OSBP2: variants seen among roughly 807,000 people sequenced by gnomAD.
OSBP2 encodes oxysterol binding protein 2.
Under a neutral mutation model 96.0 loss-of-function variants are expected in OSBP2, and 66 were observed. That is an observed-to-expected ratio of 0.69 (90% confidence interval 0.56 to 0.84). The LOEUF (loss-of-function observed/expected upper bound fraction) is 0.84, where lower values mean the gene tolerates loss of function less well. OSBP2 is among the 40% of genes least tolerant of loss of function. The pLI is 0.00. For missense variants in OSBP2, 1,038 were observed against 1,222.7 expected (o/e 0.85, Z 2.25); for synonymous variants, 525 against 520.9 (o/e 1.01, Z -0.11).
intron 2 of OSBP2, among the ~76,000 whole-genome samples, chr22:30,857,419 C>A (rs1349607983): frequency 6.6e-6 from 1 of 152,204 alleles, no homozygotes; most frequent in African/African-American, 2.4e-5. Context: ...AAGCTGAGAA[C>A]CCCATTCTCT....
intron 2 of OSBP2, among the ~76,000 whole-genome samples, chr22:30,842,973 G>A (rs892916214): frequency 6.6e-6 from 1 of 151,864 alleles, no homozygotes; most frequent in South Asian, 2.1e-4. Context: ...TAGTAGAGAC[G>A]AGGTTTCACC....
chr22:30,823,043 T>C (rs1344089966), intron 2 of OSBP2, among the ~76,000 whole-genome samples: 1 of 152,244 alleles, frequency 6.6e-6, no homozygotes, highest in Admixed American at 6.5e-5. Context: ...CCCATCTACC[T>C]CTTCTTCCCC....
intron 2 of OSBP2, among the ~76,000 whole-genome samples, chr22:30,849,929 T>A (rs1276971701): frequency 1.3e-5 from 2 of 152,232 alleles, no homozygotes; most frequent in Non-Finnish European, 2.9e-5. Context: ...TTTTGCCATA[T>A]GTATATTTAG....
chr22:30,716,742 T>C lies in OSBP2; in HGVS notation c.644+21189T>C, dbSNP rs370634206. On this transcript the variant is annotated intron_variant, in intron 1 of 13. Coordinates refer to ENST00000332585, the MANE Select transcript of OSBP2 (RefSeq NM_030758.4). ...TGTGAGCCACCATGCCTAGCCCCTT[T>C]GCTCATTTTTTAATCATTTATTTGA... is the stretch of plus-strand genomic sequence containing the variant. 6.3e-4 allele frequency among the ~76,000 whole-genome samples: 96 copies of C among 152,308 alleles called. 2 individuals carry two copies. In the South Asian group the frequency reaches 0.019, roughly 30 times the overall value.
chr22:30,791,016 T>C (rs2090666401), intron 2 of OSBP2, among the ~76,000 whole-genome samples: 1 of 152,104 alleles, frequency 6.6e-6, no homozygotes, highest in Non-Finnish European at 1.5e-5. Flanking sequence ...TTCTCTCTTG[T>C]TTTGTCACCC....
Position 30,765,236 on chromosome 22 carries a change from G to A in OSBP2, c.853+23867G>A, listed in dbSNP as rs1053937758. Among the ~76,000 whole-genome samples, 27 of 151,998 alleles carry A rather than the reference G, an allele frequency of 1.8e-4. 4 individuals are homozygous for A. The highest frequency in any genetic ancestry group is 1.5e-3 in the Admixed American group (23 of 15,238). ...TTTATTTATTTATTTTTGAAATGGAGTCTTGCTCTGTTGCCCAGGCTGGAG... is the reference window on the plus strand; with the variant it reads ...TTTATTTATTTATTTTTGAAATGGAATCTTGCTCTGTTGCCCAGGCTGGAG... On this transcript the variant is annotated intron_variant, in intron 2 of 13. Transcript: ENST00000332585.
At chr22:30,791,034 AGTGCAGTGGTGT>A (rs1488042830) in intron 2 of OSBP2, among the ~76,000 whole-genome samples, 1 of 152,000 alleles carries the variant, frequency 6.6e-6, no homozygotes, top group Non-Finnish European at 1.5e-5. Context: ...CCCAGGCTGG[AGTGCAGTGGTGT>A]GATCTCGGCT....
At chr22:30,730,810 T>TATATATA in intron 1 of OSBP2, among the ~76,000 whole-genome samples, 1 of 54,782 alleles carries the variant, frequency 1.8e-5, no homozygotes, top group African/African-American at 9.1e-5. Context: ...ATATATATAA[T>TATATATA]TTTTTTTTTT....
chr22:30,905,749 G>GGA (rs397703546), intron 12 of OSBP2, 88 bp from the exon 13 acceptor site: 4 of 1,562,068 alleles, frequency 2.6e-6, no homozygotes, highest in African/African-American at 1.3e-5. Flanking sequence ...GACCCGGGAG[G>GGA]AGACACCGCC....
intron 2 of OSBP2, among the ~76,000 whole-genome samples, chr22:30,850,340 T>C (rs905109139): frequency 1.3e-5 from 2 of 151,608 alleles, no homozygotes; most frequent in Non-Finnish European, 2.9e-5. Flanking sequence ...TGATCACATA[T>C]GTGCATGTCT....
Position 30,906,462 on chromosome 22 carries a change from C to T in OSBP2, c.*123C>T, listed in dbSNP as rs2040339909. On this transcript the variant is annotated 3_prime_UTR_variant, in exon 14 of 14. Transcript: ENST00000332585. ...TTCCCAGCCCTTCCTATTTCCTTTCCTATTTTTTTTTTCTCCCCACACTTT... is the reference window on the plus strand; with the variant it reads ...TTCCCAGCCCTTCCTATTTCCTTTCTTATTTTTTTTTTCTCCCCACACTTT... 3.2e-6 allele frequency: 4 copies of T among 1,252,006 alleles called. No homozygotes were observed. The South Asian group carries it at 5.7e-5, about 18-fold the overall frequency. The allele number at this position is 1,252,006 out of a possible 1,614,324, so 77.6% of individuals were successfully genotyped here. A position where few individuals can be genotyped will look rare whatever the true frequency, so the allele number is the denominator to read the frequency against.
rs572271481 is a variant in OSBP2, at chr22:30,784,259, A to ATTTATTTATTTATTT, written c.853+42890_853+42891insTTTATTTATTTATTT. On this transcript the variant is annotated intron_variant, in intron 2 of 13. Transcript: ENST00000332585. The stretch of plus-strand genomic sequence containing the variant: ...AGTGTGATTTATTTATTTATTTATT[A>ATTTATTTATTTATTT]ATTTATTTATTATTTTGAGACAGGG... Among the ~76,000 whole-genome samples the ATTTATTTATTTATTT allele has an allele frequency of 5.4e-3, 805 of 148,874 alleles. 7 individuals are homozygous for ATTTATTTATTTATTT. The highest frequency in any genetic ancestry group is 0.018 in the African/African-American group (712 of 38,664).
chr22:30,875,972 G>GACCCAGGGCC (rs1339200981), intron 3 of OSBP2, among the ~76,000 whole-genome samples: 1 of 152,244 alleles, frequency 6.6e-6, no homozygotes, highest in Non-Finnish European at 1.5e-5. Flanking sequence ...GTTCTAAGAT[G>GACCCAGGGCC]ACCCAGGGCC....
chr22:30,866,722 G>A (rs111742446), intron 2 of OSBP2, among the ~76,000 whole-genome samples: 21 of 150,272 alleles, frequency 1.4e-4, no homozygotes, highest in African/African-American at 2.2e-4. Context: ...GGGCGACAGC[G>A]CGAGACTCTG....
At chr22:30,872,878 C>T (rs2039488190) in intron 3 of OSBP2, among the ~76,000 whole-genome samples, 1 of 152,252 alleles carries the variant, frequency 6.6e-6, no homozygotes, top group South Asian at 2.1e-4. Context: ...TCAGCCCCCA[C>T]TGTGTGCAGA....
At chr22:30,795,065 G>A (rs1430680351) in intron 2 of OSBP2, among the ~76,000 whole-genome samples, 2 of 151,640 alleles carry the variant, frequency 1.3e-5, no homozygotes, top group Non-Finnish European at 2.9e-5. Context: ...ACACACCACT[G>A]CACCCAGGTG....
At chr22:30,864,548 G>A (rs1256566875) in intron 2 of OSBP2, among the ~76,000 whole-genome samples, 1 of 152,166 alleles carries the variant, frequency 6.6e-6, no homozygotes, top group African/African-American at 2.4e-5. Flanking sequence ...TGGGGCGTTG[G>A]TGGGTGCTGC....
At chr22:30,895,245 TC>T (rs1328657366) in intron 12 of OSBP2, among the ~76,000 whole-genome samples, 1 of 150,328 alleles carries the variant, frequency 6.7e-6, no homozygotes, top group Non-Finnish European at 1.5e-5. Context: ...TTAGCTGGAA[TC>T]CCAGAAGGAA....
intron 1 of OSBP2, among the ~76,000 whole-genome samples, chr22:30,696,083 G>T (rs978701195): frequency 1.3e-5 from 2 of 152,166 alleles, no homozygotes; most frequent in Non-Finnish European, 2.9e-5. Context: ...ACTCACAGAT[G>T]TATTGGACAC....
Sources: gnomAD v4.1 joint callset for allele counts (sites outside exome capture counted in the v4.1 genomes callset) on GRCh38, gnomAD v4.1.1 for gene constraint, MANE v1.5 for transcripts, NCBI Gene and HGNC (gene_info 2026-07-23, HGNC 2026-07-21) for gene names.